Variants in TBCD observed in about 807,000 individuals in gnomAD.
TBCD encodes tubulin folding cofactor D.
A neutral mutation model predicts 169.3 loss-of-function variants in TBCD; 105 were observed. The ratio of observed to expected loss-of-function variants is 0.62; its 90% CI spans 0.53 to 0.73. TBCD has a LOEUF of 0.73. Among genes scored for constraint, TBCD ranks in the 30% least tolerant of loss-of-function variants. The pLI is 0.00. For missense variants in TBCD, 1,444 were observed against 1,600.1 expected, an observed-to-expected ratio of 0.90 and a Z score of 1.66; for synonymous variants, 700 against 643.9, an observed-to-expected ratio of 1.09 and a Z score of -1.32.
At chr17:82,770,308 T>A (rs1243953246) in intron 5 of TBCD, among the ~76,000 whole-genome samples, 1 of 152,160 alleles carries the variant, frequency 6.6e-6, no homozygotes, top group African/African-American at 2.4e-5. Flanking sequence ...TTAGAGGTAG[T>A]GTGGTGATGG....
At chr17:82,929,080 G>A (rs200904139) in intron 30 of TBCD, 33 bp from the exon 31 acceptor site, 16 of 1,593,308 alleles carry the variant, frequency 1.0e-5, no homozygotes, top group Admixed American at 5.0e-5. Context: ...TTTACCGCCC[G>A]CCCTTGGTTT....
At chr17:82,938,775 G>C (rs1301147831) in intron 36 of TBCD, among the ~76,000 whole-genome samples, 1 of 151,008 alleles carries the variant, frequency 6.6e-6, no homozygotes, top group Non-Finnish European at 1.5e-5. Flanking sequence ...GATGAAAAGA[G>C]AGCAGGCGAG....
At chr17:82,834,237 C>T (rs113440758) in intron 13 of TBCD, among the ~76,000 whole-genome samples, 4 of 152,274 alleles carry the variant, frequency 2.6e-5, no homozygotes, top group East Asian at 1.9e-4. Context: ...CGTGAGCCAC[C>T]GCACCCGTCC....
At position 82,923,770 on chromosome 17, in the gene TBCD, C is replaced by T. The variant is rs1220012820; in HGVS notation, c.2260+37C>T. On this transcript the variant is annotated intron_variant, in intron 26 of 38. Transcript: ENST00000355528. The surrounding 1 kb of genome is among the most constrained non-coding windows in gnomAD (Gnocchi z 4.6). ...GCCCTTTTCTTGAAGACTCCAGGGGCTTCCAGCAGGAAGCTGCTGGGGAGT... is the reference window on the plus strand; with the variant it reads ...GCCCTTTTCTTGAAGACTCCAGGGGTTTCCAGCAGGAAGCTGCTGGGGAGT... 6.5e-7 allele frequency: 1 copy of T among 1,537,504 alleles called. No individual in the cohort carries two copies. The highest frequency in any genetic ancestry group is 1.2e-5 in the South Asian group (1 of 83,884).
intron 13 of TBCD, among the ~76,000 whole-genome samples, chr17:82,827,927 G>A (rs1166858641): frequency 3.7e-5 from 4 of 107,692 alleles, no homozygotes; most frequent in African/African-American, 7.4e-5. Flanking sequence ...ATAGATATGA[G>A]CACGTGGACA....
At chr17:82,841,182 TC>T (rs953877189) in intron 13 of TBCD, among the ~76,000 whole-genome samples, 3 of 151,782 alleles carry the variant, frequency 2.0e-5, no homozygotes, top group African/African-American at 7.3e-5. Flanking sequence ...GACCTTGTGA[TC>T]CACCCACGTC....
chr17:82,768,081 ATC>A lies in TBCD; in HGVS notation c.436-337_436-336del, dbSNP rs954510239. ...TTATTCTTAGGTGTTTTTACTTTTT[ATC>A]TGTTTTTCACTTTTTCAAAAGGCCA... On this transcript the variant is annotated intron_variant, in intron 4 of 38. Transcript: ENST00000355528. Among the ~76,000 whole-genome samples, 6 of 152,056 alleles carry A rather than the reference ATC, an allele frequency of 3.9e-5. No homozygotes were observed. In the East Asian group the frequency reaches 7.8e-4, roughly 20 times the overall value.
intron 13 of TBCD, among the ~76,000 whole-genome samples, chr17:82,836,943 A>G (rs1302430452): frequency 6.6e-6 from 1 of 152,086 alleles, no homozygotes. Flanking sequence ...CCTGGTGGTG[A>G]GAGTGTTTGG....
At chr17:82,936,488 T>C (rs937920674) in intron 34 of TBCD, among the ~76,000 whole-genome samples, 2 of 152,194 alleles carry the variant, frequency 1.3e-5, no homozygotes, top group African/African-American at 2.4e-5. Flanking sequence ...TCTTCTTACT[T>C]GTCTGGTATT....
intron 14 of TBCD, among the ~76,000 whole-genome samples, chr17:82,883,717 C>T (rs746785067): frequency 1.3e-5 from 2 of 152,198 alleles, no homozygotes; most frequent in South Asian, 2.1e-4. Flanking sequence ...GCATTTGTGT[C>T]GGCCACCTTG....
chr17:82,882,101 G>A (rs899073624), intron 14 of TBCD, among the ~76,000 whole-genome samples: 2 of 152,354 alleles, frequency 1.3e-5, no homozygotes, highest in Non-Finnish European at 2.9e-5. Context: ...CACAAGGCCC[G>A]AGTCACATGC....
intron 13 of TBCD, among the ~76,000 whole-genome samples, chr17:82,868,822 G>C (rs996885470): frequency 6.6e-6 from 1 of 152,216 alleles, no homozygotes; most frequent in Non-Finnish European, 1.5e-5. Flanking sequence ...TATCCATCCC[G>C]GGAGTGCCTT....
At chr17:82,775,832 G>T (rs959672426) in intron 6 of TBCD, among the ~76,000 whole-genome samples, 1 of 151,834 alleles carries the variant, frequency 6.6e-6, no homozygotes, top group East Asian at 1.9e-4. Flanking sequence ...CATGGCACAT[G>T]TATACGTATG....
rs139321459 is a variant in TBCD, at chr17:82,815,066, C to G, written c.1318+132C>G. ...CGGTCAGCTGCGTCACCAGGCTGTC[C>G]GTGGCAGGCTGCAGCCCTTCGTCTG... On this transcript the variant is annotated intron_variant, in intron 13 of 38. Transcript: ENST00000355528. 9.6e-4 allele frequency: 1,365 copies of G among 1,416,930 alleles called. 3 individuals are homozygous for G. Among genetic ancestry groups the G allele is most frequent in the Middle Eastern group, 3.5e-3 (14 of 3,984 alleles). The allele number at this position is 1,416,930 out of a possible 1,614,324, so 87.8% of individuals were successfully genotyped here. A position where few individuals can be genotyped will look rare whatever the true frequency, so the allele number is the denominator to read the frequency against.
chr17:82,856,386 C>T (rs2056280911), intron 13 of TBCD, among the ~76,000 whole-genome samples: 1 of 151,336 alleles, frequency 6.6e-6, no homozygotes, highest in Non-Finnish European at 1.5e-5. Flanking sequence ...ATGAGAGGAT[C>T]ATTTGAGGCG....
intron 37 of TBCD, among the ~76,000 whole-genome samples, chr17:82,941,072 T>G (rs2063186113): frequency 6.6e-6 from 1 of 152,244 alleles, no homozygotes; most frequent in African/African-American, 2.4e-5. Flanking sequence ...ACAGCTAAAT[T>G]AAAACCTGGA....
chr17:82,925,936 G>A (rs956369237), intron 27 of TBCD, among the ~76,000 whole-genome samples: 6 of 148,288 alleles, frequency 4.0e-5, no homozygotes, highest in African/African-American at 7.4e-5. Context: ...ACCTCTCCCC[G>A]GGTGTCCTTC....
chr17:82,906,174 G>C, intron 20 of TBCD, 121 bp downstream of exon 20: 1 of 763,890 alleles, frequency 1.3e-6, no homozygotes, highest in Non-Finnish European at 2.1e-6. Context: ...ATCTGCACCA[G>C]TGTCACAGTC....
chr17:82,927,998 A>T lies in TBCD; in HGVS notation c.2693+10A>T, dbSNP rs768779938. On this transcript the variant is annotated intron_variant, in intron 30 of 38. Coordinates refer to ENST00000355528, the MANE Select transcript of TBCD (RefSeq NM_005993.5). ...TGATCGAGGCCCATACGTGAGTGTC[A>T]CGTCGCAGCTCTTCTGCATCCTAGA... The T allele has an allele frequency of 6.8e-6, 11 of 1,607,498 alleles. No homozygotes were observed. Among genetic ancestry groups the T allele is most frequent in the Middle Eastern group, 1.6e-4 (1 of 6,078 alleles).
Sources: gnomAD v4.1 joint callset for allele counts (sites outside exome capture counted in the v4.1 genomes callset) on GRCh38, gnomAD v4.1.1 for gene constraint, Gnocchi (gnomAD v3.1) non-coding constraint, MANE v1.5 for transcripts, NCBI Gene and HGNC (gene_info 2026-07-23, HGNC 2026-07-21) for gene names.